Variants in HS6ST3 observed in about 807,000 individuals in gnomAD.
The protein encoded by HS6ST3 is heparan-sulfate 6-O-sulfotransferase 3.
A neutral mutation model predicts 36.7 loss-of-function variants in HS6ST3; 12 were observed. That is an observed-to-expected ratio of 0.33 (90% CI 0.21 to 0.53). The LOEUF is 0.53. Ranked by LOEUF, HS6ST3 falls within the 20% of genes least tolerant of loss-of-function variation. The pLI, the probability that HS6ST3 is intolerant of heterozygous loss-of-function variation, is 0.95. For synonymous variants in HS6ST3, 240 were observed against 257.5 expected (o/e 0.93, Z 0.65); for missense variants, 584 against 640.9 (o/e 0.91, Z 0.96).
intron 1 of HS6ST3, among the ~76,000 whole-genome samples, chr13:96,462,352 T>C (rs2055788813): frequency 6.6e-6 from 1 of 152,236 alleles, no homozygotes; most frequent in Non-Finnish European, 1.5e-5. Flanking sequence ...TTTACAGGCA[T>C]GAGCCACTGT....
intron 1 of HS6ST3, among the ~76,000 whole-genome samples, chr13:96,802,943 A>G (rs888943658): frequency 2.0e-5 from 3 of 152,198 alleles, no homozygotes; most frequent in Non-Finnish European, 4.4e-5. Context: ...TGCAGATCAC[A>G]TCTTGTCCAA....
chr13:96,595,946 AT>A (rs907129823), intron 1 of HS6ST3, among the ~76,000 whole-genome samples: 7 of 151,686 alleles, frequency 4.6e-5, no homozygotes, highest in East Asian at 1.9e-4. Context: ...AATTAAAACA[AT>A]TTTTTTTGTT....
In HS6ST3 at chr13:96,263,000, T is replaced by G. The variant is rs140054352; in HGVS notation, c.707+171431T>G. On this transcript the variant is annotated intron_variant, in intron 1 of 1. Coordinates refer to ENST00000376705, the MANE Select transcript of HS6ST3 (RefSeq NM_153456.4). ...GTGCATAAAATAAAATACATAGGAT[T>G]ACAATAGAAACCACGTATATTGAAG... 7.2e-4 allele frequency among the ~76,000 whole-genome samples: 109 copies of G among 152,304 alleles called. 2 individuals carry two copies. The highest frequency in any genetic ancestry group is 2.5e-3 in the African/African-American group (105 of 41,580).
At position 96,458,950 on chromosome 13, in the gene HS6ST3, A is replaced by C. The variant is rs552954357; in HGVS notation, c.707+367381A>C. On this transcript the variant is annotated intron_variant, in intron 1 of 1. Transcript: ENST00000376705. The stretch of plus-strand genomic sequence containing the variant: ...GAATCCCCGTTTGTACTAAAAATAC[A>C]AAAATTAGCTGGGCATGGTGGCATG... Among the ~76,000 whole-genome samples the C allele has an allele frequency of 2.2e-3, 330 of 151,986 alleles. 1 individual carries two copies. Among genetic ancestry groups the C allele is most frequent in the Middle Eastern group, 6.8e-3 (2 of 294 alleles).
At chr13:96,307,646 T>C (rs2054920366) in intron 1 of HS6ST3, among the ~76,000 whole-genome samples, 1 of 152,148 alleles carries the variant, frequency 6.6e-6, no homozygotes, top group South Asian at 2.1e-4. Flanking sequence ...TAATAAGATA[T>C]CTTCTTAAAT....
At chr13:96,741,452 C>T (rs1876437599) in intron 1 of HS6ST3, among the ~76,000 whole-genome samples, 1 of 152,158 alleles carries the variant, frequency 6.6e-6, no homozygotes, top group Non-Finnish European at 1.5e-5. Context: ...CAACTAATAC[C>T]TAAACTTCTA....
chr13:96,775,268 C>T (rs1358342183), intron 1 of HS6ST3, among the ~76,000 whole-genome samples: 1 of 151,818 alleles, frequency 6.6e-6, no homozygotes, highest in African/African-American at 2.4e-5. Context: ...GAAGGAACTG[C>T]ATCAACTAAT....
chr13:96,324,580 A>T lies in HS6ST3; in HGVS notation c.707+233011A>T, dbSNP rs530019081. 3.3e-5 allele frequency among the ~76,000 whole-genome samples: 5 copies of T among 152,320 alleles called. No homozygotes were observed. In the East Asian group the frequency reaches 9.6e-4, roughly 29 times the overall value. ...ATATTGAAATTAGAAATCCAAGGCC[A>T]TTGTGAATGTGACCTTATTTGGAAA... On this transcript the variant is annotated intron_variant, in intron 1 of 1. Coordinates refer to ENST00000376705, the MANE Select transcript of HS6ST3 (RefSeq NM_153456.4).
intron 1 of HS6ST3, among the ~76,000 whole-genome samples, chr13:96,373,162 T>A (rs2055298287): frequency 6.6e-6 from 1 of 152,190 alleles, no homozygotes; most frequent in Non-Finnish European, 1.5e-5. Flanking sequence ...ACACTTGTCA[T>A]GGGATTTAAA....
At position 96,658,268 on chromosome 13, in the gene HS6ST3, C is replaced by CTTTTTTTTTT. The variant is rs71213623; in HGVS notation, c.708-174201_708-174192dup. Among the ~76,000 whole-genome samples, 131 of 76,142 alleles carry CTTTTTTTTTT rather than the reference C, an allele frequency of 1.7e-3. 10 individuals are homozygous for CTTTTTTTTTT. The highest frequency in any genetic ancestry group is 5.7e-3 in the African/African-American group (106 of 18,492). 50.0% of individuals were successfully genotyped at this position (76,142 alleles called of 152,430 possible). ...TTCTTCTTCTTCTTCTCTTCTTCTT[C>CTTTTTTTTTT]TTTTTTTTTTTTTTTTTTTTTTTTT... On this transcript the variant is annotated intron_variant, in intron 1 of 1. Coordinates refer to ENST00000376705, the MANE Select transcript of HS6ST3 (RefSeq NM_153456.4).
intron 1 of HS6ST3, among the ~76,000 whole-genome samples, chr13:96,233,671 T>TGAGATGATAGCCATTTGTGTTTACC (rs1456196922): frequency 2.6e-5 from 4 of 152,038 alleles, no homozygotes. Context: ...TAGAAAACAA[T>TGAGATGATAGCCATTTGTGTTTACC]GAGATGATAG....
intron 1 of HS6ST3, among the ~76,000 whole-genome samples, chr13:96,181,389 G>A (rs1034846858): frequency 1.3e-5 from 2 of 152,140 alleles, no homozygotes; most frequent in Non-Finnish European, 2.9e-5. Context: ...CTATTGCGTC[G>A]TGCTCTTAAA....
At chr13:96,470,584 G>A (rs747696557) in intron 1 of HS6ST3, among the ~76,000 whole-genome samples, 3 of 151,940 alleles carry the variant, frequency 2.0e-5, no homozygotes, top group Non-Finnish European at 4.4e-5. Flanking sequence ...CTGTGTATAC[G>A]CCTCCCCACT....
intron 1 of HS6ST3, among the ~76,000 whole-genome samples, chr13:96,501,727 A>G (rs1345376646): frequency 6.6e-6 from 1 of 152,218 alleles, no homozygotes; most frequent in Non-Finnish European, 1.5e-5. Context: ...TAATTTACCT[A>G]TTACATTCTG....
chr13:96,196,735 AG>A (rs1221501253), intron 1 of HS6ST3, among the ~76,000 whole-genome samples: 1 of 152,196 alleles, frequency 6.6e-6, no homozygotes, highest in Non-Finnish European at 1.5e-5. Flanking sequence ...GCAACCACGG[AG>A]GGACCTTTCT....
chr13:96,761,372 G>A (rs1302225047), intron 1 of HS6ST3, among the ~76,000 whole-genome samples: 2 of 151,678 alleles, frequency 1.3e-5, no homozygotes, highest in African/African-American at 4.8e-5. Flanking sequence ...GGTTTTGGTG[G>A]CTCCTTTCGG....
intron 1 of HS6ST3, among the ~76,000 whole-genome samples, chr13:96,824,095 C>G (rs376571474): frequency 1.5e-4 from 23 of 152,240 alleles, no homozygotes; most frequent in African/African-American, 5.3e-4. Context: ...AGCCTCTCCC[C>G]TCTTGAGGGA....
Position 96,090,943 on chromosome 13 carries a change from C to A in HS6ST3, c.81C>A (p.Ser27=). Reference sequence around the variant, plus strand: ...TGGTCATCATGTACCAGTACGTGTCCCCCTCCTGCACCAGCTCCTGCACCA... The same window carrying A: ...TGGTCATCATGTACCAGTACGTGTCACCCTCCTGCACCAGCTCCTGCACCA... ...LFVVIMYQYV[S]PSCTSSCTNF... The change falls in exon 1 of 2, where the codon TCC becomes TCA. Residue 27 remains serine, a synonymous_variant. Transcript: ENST00000376705. The A allele has an allele frequency of 6.8e-7, 1 of 1,481,074 alleles. No individual in the cohort carries two copies. Among genetic ancestry groups the A allele is most frequent in the Admixed American group, 2.1e-5 (1 of 47,088 alleles). The allele number at this position is 1,481,074 out of a possible 1,614,324, so 91.7% of individuals were successfully genotyped here.
chr13:96,556,871 T>C (rs563529651), intron 1 of HS6ST3, among the ~76,000 whole-genome samples: 5 of 152,166 alleles, frequency 3.3e-5, no homozygotes, highest in Admixed American at 2.6e-4. Flanking sequence ...ATGCTACAAG[T>C]GACATTAATG....
Sources: allele counts gnomAD v4.1 joint callset (sites outside exome capture counted in the v4.1 genomes callset), GRCh38; gene constraint gnomAD v4.1.1; transcripts MANE v1.5; gene names NCBI Gene and HGNC (gene_info 2026-07-23, HGNC 2026-07-21).